RGPD3: variants seen among roughly 807,000 people sequenced by gnomAD.
The protein encoded by RGPD3 is RANBP2 like and GRIP domain containing 3.
RGPD3 carries 62 observed loss-of-function variants against 154.5 expected under a neutral mutation model. The observed-to-expected ratio is 0.40, with a 90% CI of 0.33 to 0.50. The LOEUF (loss-of-function observed/expected upper bound fraction) is 0.50. Among genes scored for constraint, RGPD3 ranks in the 20% least tolerant of loss-of-function variants. The pLI, the probability that RGPD3 is intolerant of heterozygous loss-of-function variation, is 0.59. For missense variants in RGPD3, 919 were observed against 1,716.8 expected (o/e 0.54, Z 8.21); for synonymous variants, 308 against 607.0 (o/e 0.51, Z 7.24).
At chr2:106,418,570 A>G (rs1284649864) in intron 20 of RGPD3, among the ~76,000 whole-genome samples, 1 of 151,870 alleles carries the variant, frequency 6.6e-6, no homozygotes, top group Non-Finnish European at 1.5e-5. Flanking sequence ...TAAACTGTAA[A>G]GTGTTATTTT....
At chr2:106,449,098 T>C (rs1573288670) in intron 6 of RGPD3, among the ~76,000 whole-genome samples, 1 of 151,730 alleles carries the variant, frequency 6.6e-6, no homozygotes, top group South Asian at 2.1e-4. Flanking sequence ...TAAAAAGATT[T>C]ACAAAAATGC....
chr2:106,463,756 T>G (rs932915646), intron 1 of RGPD3, among the ~76,000 whole-genome samples: 5 of 152,032 alleles, frequency 3.3e-5, no homozygotes, highest in Admixed American at 6.6e-5. Context: ...TGTTTTAAGC[T>G]GAAATTGAAC....
At chr2:106,451,092 AAAAAAAAAC>A (rs1678107642) in intron 6 of RGPD3, among the ~76,000 whole-genome samples, 1 of 143,812 alleles carries the variant, frequency 7.0e-6, no homozygotes, top group Non-Finnish European at 1.5e-5. Flanking sequence ...CCTCTCAAAA[AAAAAAAAAC>A]AAAAAAGAAA....
chr2:106,423,769 C>T lies in RGPD3; in HGVS notation c.4198G>A (p.Asp1400Asn), dbSNP rs1247583441. ...TTGGCACAAAGTTTTAATACTTGGT[C>T]CCTTCTCATCAGTATACGAACGTGC... is the stretch of plus-strand genomic sequence containing the variant. ...NKHVRILMRR[D>N]QVLKLCANHR... Residue 1400 changes from aspartate to asparagine, a missense_variant, in exon 20 of 23, where the codon GAC (aspartate) becomes AAC (asparagine). By Grantham distance (23) the Asp-to-Asn change is conservative. Transcript: ENST00000409886. The T allele has an allele frequency of 3.1e-6, 5 of 1,611,776 alleles. No homozygotes were observed. Among genetic ancestry groups the T allele is most frequent in the African/African-American group, 2.7e-5 (2 of 74,806 alleles).
intron 1 of RGPD3, 70 bp downstream of exon 1, chr2:106,468,147 C>CGCCGCCGGGCCGGGTCGAG (rs1678698979): frequency 2.6e-6 from 4 of 1,515,202 alleles, no homozygotes; most frequent in African/African-American, 1.4e-5. Flanking sequence ...CCATCGAGGC[C>CGCCGCCGGGCCGGGTCGAG]GCCGCCGGGC....
intron 21 of RGPD3, among the ~76,000 whole-genome samples, chr2:106,415,048 T>C (rs1056250819): frequency 1.3e-5 from 2 of 151,882 alleles, no homozygotes; most frequent in Non-Finnish European, 1.5e-5. Context: ...TTCTGAGGGG[T>C]GATTTATCAG....
intron 6 of RGPD3, among the ~76,000 whole-genome samples, chr2:106,450,032 G>A (rs1050915766): frequency 2.7e-5 from 4 of 146,042 alleles, no homozygotes; most frequent in East Asian, 2.1e-4. Flanking sequence ...AAAAAAGATC[G>A]AGACCATCCT....
intron 22 of RGPD3, among the ~76,000 whole-genome samples, chr2:106,410,039 C>G (rs1676624713): frequency 6.6e-6 from 1 of 151,732 alleles, no homozygotes; most frequent in Non-Finnish European, 1.5e-5. Flanking sequence ...CCACGCCCAG[C>G]TAATTTTTGT....
intron 20 of RGPD3, among the ~76,000 whole-genome samples, chr2:106,417,724 C>T (rs1177020940): frequency 1.1e-4 from 16 of 150,702 alleles, no homozygotes; most frequent in African/African-American, 3.5e-4. Flanking sequence ...TCTATTGATT[C>T]GGCCTTACAG....
At chr2:106,417,675 T>C (rs531638800) in intron 20 of RGPD3, among the ~76,000 whole-genome samples, 8 of 151,000 alleles carry the variant, frequency 5.3e-5, no homozygotes, top group Admixed American at 5.3e-4. Context: ...CTGGGCCTAT[T>C]AGATTTTTTT....
intron 1 of RGPD3, among the ~76,000 whole-genome samples, chr2:106,467,363 G>T (rs1221608303): frequency 2.3e-4 from 31 of 132,814 alleles, no homozygotes; most frequent in Non-Finnish European, 4.4e-4. Context: ...CGAGGCCGCC[G>T]CCTCAACAGA....
intron 22 of RGPD3, among the ~76,000 whole-genome samples, chr2:106,408,328 CGCT>C (rs1676572092): frequency 1.2e-5 from 1 of 80,508 alleles, no homozygotes; most frequent in Admixed American, 1.6e-4. Context: ...AGTTGTAACA[CGCT>C]ACTCTGAGCA....
Position 106,466,171 on chromosome 2 carries a change from G to C in RGPD3, c.72+2046C>G, listed in dbSNP as rs544346084. Among the ~76,000 whole-genome samples, 96 of 152,198 alleles carry C rather than the reference G, an allele frequency of 6.3e-4. 1 individual carries two copies. Among genetic ancestry groups the C allele is most frequent in the African/African-American group, 2.2e-3 (91 of 41,546 alleles). ...GCGAGCACCGTCGGGAACAAGCGTCGGGAACAAGCCGGGAGAAAGAGGAAG... is the reference window on the plus strand; with the variant it reads ...GCGAGCACCGTCGGGAACAAGCGTCCGGAACAAGCCGGGAGAAAGAGGAAG... On this transcript the variant is annotated intron_variant, in intron 1 of 22. Transcript: ENST00000409886.
At chr2:106,421,409 T>C (rs13425129) in intron 20 of RGPD3, among the ~76,000 whole-genome samples, 4,188 of 151,906 alleles carry the variant, frequency 0.028, 213 homozygotes, top group African/African-American at 0.097. Flanking sequence ...AAATAAAAGA[T>C]TAAGAGCTAC....
Position 106,459,383 on chromosome 2 carries a change from C to T in RGPD3, c.73-51G>A, listed in dbSNP as rs1678340233. On this transcript the variant is annotated intron_variant, in intron 1 of 22. Coordinates refer to ENST00000409886, the MANE Select transcript of RGPD3 (RefSeq NM_001144013.2). ...CGTTTCATACAGAAATATTTTCCAA[C>T]ATTTTTTCAAAAGTAGTAAAAATCT... 1.6e-5 allele frequency: 19 copies of T among 1,183,178 alleles called. No homozygotes were observed. The South Asian group carries it at 2.3e-4, about 14-fold the overall frequency. The allele number at this position is 1,183,178 out of a possible 1,614,324, so 73.3% of individuals were successfully genotyped here. A position where few individuals can be genotyped will look rare whatever the true frequency, so the allele number is the denominator to read the frequency against.
chr2:106,436,374 A>G (rs1677553200), intron 11 of RGPD3, 40 bp downstream of exon 11: 1 of 1,609,048 alleles, frequency 6.2e-7, no homozygotes, highest in South Asian at 1.1e-5. Context: ...GGTAAAACCT[A>G]CGCACTAAGT....
At chr2:106,464,870 C>T (rs1678519637) in intron 1 of RGPD3, among the ~76,000 whole-genome samples, 1 of 150,626 alleles carries the variant, frequency 6.6e-6, no homozygotes, top group African/African-American at 2.4e-5. Context: ...ACTACAGGCG[C>T]TGCCACCACG....
rs898971676 is a variant in RGPD3, at chr2:106,459,421, T to A, written c.73-89A>T. ...GTAGTAAAAATCTGCCCTAAGTTTATGTTCAAATATGCCATTTTCATTCAC... is the reference window on the plus strand; with the variant it reads ...GTAGTAAAAATCTGCCCTAAGTTTAAGTTCAAATATGCCATTTTCATTCAC... On this transcript the variant is annotated intron_variant, in intron 1 of 22. Coordinates refer to ENST00000409886, the MANE Select transcript of RGPD3 (RefSeq NM_001144013.2). The A allele has an allele frequency of 1.4e-5, 8 of 558,630 alleles. No individual in the cohort carries two copies. In the Admixed American group the frequency reaches 1.9e-4, roughly 13 times the overall value. The allele number at this position is 558,630 out of a possible 1,614,324, so 34.6% of individuals were successfully genotyped here. A position where few individuals can be genotyped will look rare whatever the true frequency, so the allele number is the denominator to read the frequency against.
chr2:106,465,935 G>C (rs1030370204), intron 1 of RGPD3, among the ~76,000 whole-genome samples: 1 of 151,850 alleles, frequency 6.6e-6, no homozygotes, highest in African/African-American at 2.4e-5. Context: ...CTTGTCACTC[G>C]ACGCAGCCGC....
Sources: allele counts gnomAD v4.1 joint callset (sites outside exome capture counted in the v4.1 genomes callset), GRCh38; gene constraint gnomAD v4.1.1; transcripts MANE v1.5; gene names NCBI Gene and HGNC (gene_info 2026-07-23, HGNC 2026-07-21).